Variants in NCOR1 observed in about 807,000 individuals in gnomAD.
NCOR1 encodes the protein nuclear receptor corepressor 1, also known as protein phosphatase 1, regulatory subunit 109.
A neutral mutation model predicts 288.1 loss-of-function variants in NCOR1; 63 were observed. The ratio of observed to expected loss-of-function variants is 0.22; its 90% CI spans 0.18 to 0.27. The LOEUF is 0.27. NCOR1 is among the 10% of genes least tolerant of loss of function. The probability of loss-of-function intolerance (pLI) is 1.00; values close to 1 mark genes in which losing one functional copy is unlikely to be tolerated. For synonymous variants in NCOR1, 1,007 were observed against 1,065.9 expected (o/e 0.94, Z 1.08); for missense variants, 2,397 against 3,019.2 (o/e 0.79, Z 4.83).
chr17:16,138,917 GT>G lies in NCOR1; in HGVS notation c.1352+90del. 2 of 1,000,972 alleles carry G rather than the reference GT, an allele frequency of 2.0e-6. 1 individual carries two copies. Among genetic ancestry groups the G allele is most frequent in the South Asian group, 4.2e-5 (2 of 47,876 alleles). The allele number at this position is 1,000,972 out of a possible 1,614,324, so 62.0% of individuals were successfully genotyped here. The stretch of plus-strand genomic sequence containing the variant: ...AACACCAAAATGGGACCAAGTTTTT[GT>G]GAAAACAGTTCAATTTACAAGTAAA... On this transcript the variant is annotated intron_variant, in intron 12 of 45. Transcript: ENST00000268712.
At chr17:16,199,213 AAAAAC>A (rs2090400735) in intron 1 of NCOR1, among the ~76,000 whole-genome samples, 1 of 112,308 alleles carries the variant, frequency 8.9e-6, no homozygotes, top group African/African-American at 3.4e-5. Flanking sequence ...GGAAAAAAAA[AAAAAC>A]ACACACACAC....
chr17:16,183,280 C>T (rs977565087), intron 3 of NCOR1, among the ~76,000 whole-genome samples: 2 of 146,172 alleles, frequency 1.4e-5, no homozygotes, highest in Non-Finnish European at 3.0e-5. Context: ...AAAAGGCATC[C>T]AGTCAGAAAG....
Position 16,064,108 on chromosome 17 carries a change from T to TTCCCGCTCCCGCTCCTTC in NCOR1, c.5163_5180dup (p.Lys1722_Glu1727dup), listed in dbSNP as rs2060847047. On this transcript the variant is annotated inframe_insertion, in exon 35 of 46. Transcript: ENST00000268712. Reference sequence around the variant, plus strand: ...GGTCGGAGGAAGCTGCAGCAATCCGTTCCCGCTCCCGCTCCTTCTCCCGCT... The same window carrying TTCCCGCTCCCGCTCCTTC: ...GGTCGGAGGAAGCTGCAGCAATCCGTTCCCGCTCCCGCTCCTTCTCCCGCTCCCGCTCCTTCTCCCGCT... 1 of 1,614,050 alleles carries TTCCCGCTCCCGCTCCTTC rather than the reference T, an allele frequency of 6.2e-7. No homozygotes were observed. Among genetic ancestry groups the TTCCCGCTCCCGCTCCTTC allele is most frequent in the Non-Finnish European group, 8.5e-7 (1 of 1,179,978 alleles).
intron 1 of NCOR1, among the ~76,000 whole-genome samples, chr17:16,213,595 G>C (rs1266773151): frequency 1.3e-5 from 2 of 151,468 alleles, no homozygotes; most frequent in Non-Finnish European, 2.9e-5. Flanking sequence ...TAAATGCCGC[G>C]AGAGATGTGC....
At chr17:16,093,181 T>C (rs976541501) in intron 21 of NCOR1, among the ~76,000 whole-genome samples, 1 of 152,220 alleles carries the variant, frequency 6.6e-6, no homozygotes, top group African/African-American at 2.4e-5. Flanking sequence ...CTTCCCATTT[T>C]TGAAACTCCA....
chr17:16,057,355 C>A, intron 40 of NCOR1, 159 bp downstream of exon 40: 1 of 673,518 alleles, frequency 1.5e-6, no homozygotes, highest in Non-Finnish European at 2.5e-6. Context: ...AGTGGACATT[C>A]TAAGAATAAT....
intron 15 of NCOR1, among the ~76,000 whole-genome samples, chr17:16,125,465 G>C (rs912293019): frequency 4.6e-5 from 7 of 152,060 alleles, no homozygotes; most frequent in African/African-American, 1.7e-4. Context: ...AGCACTTTGG[G>C]AGGCCAAGGC....
rs746773891 is a variant in NCOR1, at chr17:16,207,751, AAAAAG to A, written c.-71+7606_-71+7610del. Among the ~76,000 whole-genome samples the A allele has an allele frequency of 5.1e-3, 773 of 151,012 alleles. 5 individuals are homozygous for A. Among genetic ancestry groups the A allele is most frequent in the African/African-American group, 0.017 (711 of 41,132 alleles). On this transcript the variant is annotated intron_variant, in intron 1 of 45. Transcript: ENST00000268712. Reference sequence around the variant, plus strand: ...GAGACTCCATCTCCAAAAAAAAAAAAAAAAGAAAAGAAAAGAAAAGAAAAATGTAA... The same window carrying A: ...GAGACTCCATCTCCAAAAAAAAAAAAAAAAGAAAAGAAAAGAAAAATGTAA...
At chr17:16,199,150 CA>C (rs1263015105) in intron 1 of NCOR1, among the ~76,000 whole-genome samples, 1,099 of 94,486 alleles carry the variant, frequency 0.012, 11 homozygotes, top group African/African-American at 0.03. Flanking sequence ...TTTATTATCT[CA>C]AAAAAAAAAA....
chr17:16,181,373 C>A (rs2085446439), intron 3 of NCOR1, among the ~76,000 whole-genome samples: 1 of 117,034 alleles, frequency 8.5e-6, no homozygotes, highest in African/African-American at 3.4e-5. Context: ...GCATGATCTC[C>A]CCTATATATG....
Position 16,137,296 on chromosome 17 carries a change from A to G in NCOR1, c.1509+15T>C, listed in dbSNP as rs2153234105. On this transcript the variant is annotated intron_variant, in intron 14 of 45. Transcript: ENST00000268712. ...CCAATCCTGAAATATCTTCCATACA[A>G]GTAAGAAAACACACCTGGTTTCTGC... 1.3e-6 allele frequency: 2 copies of G among 1,541,742 alleles called. No individual in the cohort carries two copies. The highest frequency in any genetic ancestry group is 1.4e-5 in the African/African-American group (1 of 73,296).
chr17:16,096,680 A>C (rs530619096), intron 21 of NCOR1, among the ~76,000 whole-genome samples: 8 of 152,298 alleles, frequency 5.3e-5, no homozygotes, highest in Admixed American at 3.3e-4. Flanking sequence ...TGAAAAAGCA[A>C]TGTACTAAGG....
chr17:16,214,477 G>C (rs970224790), intron 1 of NCOR1, among the ~76,000 whole-genome samples: 1 of 152,148 alleles, frequency 6.6e-6, no homozygotes, highest in Non-Finnish European at 1.5e-5. Flanking sequence ...GATATAATTA[G>C]AGAAGCAAAT....
intron 23 of NCOR1, among the ~76,000 whole-genome samples, chr17:16,082,252 G>A (rs761737527): frequency 6.6e-6 from 1 of 152,078 alleles, no homozygotes; most frequent in South Asian, 2.1e-4. Flanking sequence ...TATACAAAAT[G>A]TCCAGTTTTT....
intron 1 of NCOR1, among the ~76,000 whole-genome samples, chr17:16,204,907 G>T (rs1331476640): frequency 2.0e-5 from 3 of 152,210 alleles, no homozygotes; most frequent in Admixed American, 6.5e-5. Flanking sequence ...TAGCTAGGGG[G>T]ATATGTGCAC....
chr17:16,079,620 CAA>C (rs113726379), intron 26 of NCOR1, among the ~76,000 whole-genome samples: 2,720 of 152,236 alleles, frequency 0.018, 81 homozygotes, highest in African/African-American at 0.061. Flanking sequence ...CAAAAGTAAG[CAA>C]ATAATTCGTA....
chr17:16,179,883 G>A lies in NCOR1; in HGVS notation c.242+6671C>T, dbSNP rs184313160. On this transcript the variant is annotated intron_variant, in intron 3 of 45. Transcript: ENST00000268712. ...ACAAAAATTAGCCGGGCGTGAAGCC[G>A]GGAGGCAGAGCTTGCAGTGAGCCAA... Among the ~76,000 whole-genome samples the A allele has an allele frequency of 1.6e-4, 24 of 151,140 alleles. No homozygotes were observed. In the East Asian group the frequency reaches 3.1e-3, roughly 20 times the overall value.
chr17:16,125,864 T>C (rs556379020), intron 15 of NCOR1, among the ~76,000 whole-genome samples: 14 of 151,910 alleles, frequency 9.2e-5, no homozygotes, highest in South Asian at 2.1e-4. Context: ...GAGAGTGGAA[T>C]AAGAGACACT....
intron 11 of NCOR1, among the ~76,000 whole-genome samples, 157 bp downstream of exon 11, chr17:16,143,449 T>C (rs2077424806): frequency 6.6e-6 from 1 of 152,238 alleles, no homozygotes; most frequent in Admixed American, 6.5e-5. Context: ...GACTGCCTCG[T>C]TTAAAAACCC....
Sources: gnomAD v4.1 joint callset for allele counts (sites outside exome capture counted in the v4.1 genomes callset) on GRCh38, gnomAD v4.1.1 for gene constraint, MANE v1.5 for transcripts, NCBI Gene and HGNC (gene_info 2026-07-23, HGNC 2026-07-21) for gene names.